TMEM178B: variants seen among roughly 807,000 people sequenced by gnomAD.
TMEM178B encodes transmembrane protein 178B.
Under a neutral mutation model 31.0 loss-of-function variants are expected in TMEM178B, and 5 were observed. The observed-to-expected ratio is 0.16, with a 90% CI of 0.08 to 0.34. TMEM178B has a LOEUF of 0.34. TMEM178B is among the 10% of genes least tolerant of loss of function. The pLI, the probability that TMEM178B is intolerant of heterozygous loss-of-function variation, is 1.00. For missense variants in TMEM178B, 275 were observed against 400.3 expected, an observed-to-expected ratio of 0.69 and a Z score of 2.67; for synonymous variants, 164 against 164.0, an observed-to-expected ratio of 1.00 and a Z score of 0.00.
chr7:141,116,106 A>G (rs1481398589), intron 1 of TMEM178B, among the ~76,000 whole-genome samples: 1 of 152,168 alleles, frequency 6.6e-6, no homozygotes, highest in Non-Finnish European at 1.5e-5. Flanking sequence ...CACTGACTTC[A>G]TTCTCTTTGA....
intron 2 of TMEM178B, among the ~76,000 whole-genome samples, chr7:141,374,129 T>C (rs1054129294): frequency 6.6e-6 from 1 of 152,170 alleles, no homozygotes; most frequent in Non-Finnish European, 1.5e-5. Flanking sequence ...GTTTCTGATG[T>C]GAAGTCCGGG....
intron 2 of TMEM178B, among the ~76,000 whole-genome samples, chr7:141,223,807 G>C (rs1343435052): frequency 3.3e-5 from 5 of 152,152 alleles, no homozygotes; most frequent in Admixed American, 3.3e-4. Flanking sequence ...TCCCTGTAGT[G>C]ATGGAAATAT....
intron 2 of TMEM178B, among the ~76,000 whole-genome samples, chr7:141,374,169 T>C (rs1003686728): frequency 5.9e-5 from 9 of 152,170 alleles, no homozygotes; most frequent in African/African-American, 2.2e-4. Context: ...AGCTCCTTCT[T>C]CATAGCCTTG....
chr7:141,192,487 G>C (rs971014685), intron 1 of TMEM178B, among the ~76,000 whole-genome samples: 3 of 104,362 alleles, frequency 2.9e-5, no homozygotes, highest in Non-Finnish European at 5.7e-5. Flanking sequence ...TCCATGCAGC[G>C]GTCTTTTTTT....
chr7:141,342,477 G>A (rs1799532194), intron 2 of TMEM178B, among the ~76,000 whole-genome samples: 1 of 152,194 alleles, frequency 6.6e-6, no homozygotes, highest in African/African-American at 2.4e-5. Flanking sequence ...CTTGGGAGGG[G>A]CTGAGGAATT....
chr7:141,369,100 C>G (rs866189787), intron 2 of TMEM178B, among the ~76,000 whole-genome samples: 5 of 151,942 alleles, frequency 3.3e-5, no homozygotes, highest in Admixed American at 3.3e-4. Context: ...AAGTAAACAT[C>G]CCTTCAGCCT....
intron 1 of TMEM178B, among the ~76,000 whole-genome samples, chr7:141,124,972 TC>T (rs1438706592): frequency 1.3e-5 from 2 of 152,148 alleles, no homozygotes; most frequent in African/African-American, 4.8e-5. Context: ...CTACCTAATA[TC>T]CCCCTTTATT....
intron 1 of TMEM178B, among the ~76,000 whole-genome samples, chr7:141,185,751 A>G (rs1586815325): frequency 6.6e-6 from 1 of 151,778 alleles, no homozygotes. Context: ...GCCAGTCCTC[A>G]CCTCGGTCCG....
At chr7:141,425,641 C>A (rs1236394854) in intron 2 of TMEM178B, among the ~76,000 whole-genome samples, 2 of 152,208 alleles carry the variant, frequency 1.3e-5, no homozygotes, top group Non-Finnish European at 2.9e-5. Flanking sequence ...CTTGGTCTTG[C>A]GACTCTGCCT....
chr7:141,236,741 T>C (rs141699981), intron 2 of TMEM178B, among the ~76,000 whole-genome samples: 2 of 152,318 alleles, frequency 1.3e-5, no homozygotes, highest in Admixed American at 6.5e-5. Flanking sequence ...GAGGTGATTA[T>C]TTATCTGATG....
At chr7:141,195,981 CT>C (rs1193982361) in intron 1 of TMEM178B, among the ~76,000 whole-genome samples, 1 of 152,184 alleles carries the variant, frequency 6.6e-6, no homozygotes, top group Non-Finnish European at 1.5e-5. Flanking sequence ...TTACCTCCCC[CT>C]GGGTCCCTCC....
chr7:141,268,296 G>A (rs1008020942), intron 2 of TMEM178B, among the ~76,000 whole-genome samples: 3 of 152,138 alleles, frequency 2.0e-5, no homozygotes, highest in East Asian at 1.9e-4. Context: ...AAACTTGAGC[G>A]GAAGAATAGT....
chr7:141,188,829 C>T (rs914767362), intron 1 of TMEM178B, among the ~76,000 whole-genome samples: 2 of 152,184 alleles, frequency 1.3e-5, no homozygotes, highest in Non-Finnish European at 2.9e-5. Flanking sequence ...TGAAGATAAG[C>T]CTGGAGAGAA....
intron 2 of TMEM178B, among the ~76,000 whole-genome samples, chr7:141,294,614 A>G (rs1434029778): frequency 6.6e-6 from 1 of 152,240 alleles, no homozygotes; most frequent in African/African-American, 2.4e-5. Context: ...AAGCTGAGTC[A>G]GGGGATTGTC....
downstream of TMEM178B, among the ~76,000 whole-genome samples, chr7:141,483,720 T>G (rs957669558): frequency 6.6e-6 from 1 of 151,168 alleles, no homozygotes; most frequent in African/African-American, 2.4e-5. Flanking sequence ...TTAAGCAGAT[T>G]CTATATCTTG....
intron 1 of TMEM178B, among the ~76,000 whole-genome samples, chr7:141,178,848 C>T (rs1796473582): frequency 6.6e-6 from 1 of 152,182 alleles, no homozygotes; most frequent in Non-Finnish European, 1.5e-5. Context: ...TCCAAAATTA[C>T]ACAGTTTAAC....
chr7:141,507,660 C>T, the TMEM178B span, among the ~76,000 whole-genome samples: 144 of 152,380 alleles, frequency 9.5e-4, no homozygotes, highest in Non-Finnish European at 1.8e-3. Flanking sequence ...CATGCGCCAC[C>T]GCGCCTGGCC....
intron 1 of TMEM178B, among the ~76,000 whole-genome samples, chr7:141,117,318 G>A (rs1366682738): frequency 1.3e-5 from 2 of 152,068 alleles, no homozygotes; most frequent in Non-Finnish European, 2.9e-5. Flanking sequence ...GTCTTCTTTT[G>A]AGAAGTGTCT....
chr7:141,457,826 T>C (rs1801993286), intron 3 of TMEM178B, among the ~76,000 whole-genome samples: 1 of 152,218 alleles, frequency 6.6e-6, no homozygotes, highest in South Asian at 2.1e-4. Flanking sequence ...ATGCATGCAG[T>C]GTAACATATT....
Sources: gnomAD v4.1 joint callset for allele counts (sites outside exome capture counted in the v4.1 genomes callset) on GRCh38, gnomAD v4.1.1 for gene constraint, MANE v1.5 for transcripts, NCBI Gene and HGNC (gene_info 2026-07-23, HGNC 2026-07-21) for gene names.